TMED3: variants seen among roughly 807,000 people sequenced by gnomAD.
The protein encoded by TMED3 is transmembrane emp24 domain-containing protein 3.
Under a neutral mutation model 15.0 loss-of-function variants are expected in TMED3, and 9 were observed. The observed-to-expected ratio is 0.60, with a 90% CI of 0.36 to 1.04. The LOEUF (loss-of-function observed/expected upper bound fraction) is 1.04. TMED3 is among the 50% of genes least tolerant of loss of function. The probability of loss-of-function intolerance (pLI) is 0.01; values close to 1 mark genes in which losing one functional copy is unlikely to be tolerated. For missense variants in TMED3, 267 were observed against 278.9 expected, an observed-to-expected ratio of 0.96 and a Z score of 0.30; for synonymous variants, 117 against 121.4, an observed-to-expected ratio of 0.96 and a Z score of 0.24.
chr15:79,347,479 G>T (rs1386867015), intron 2 of TMED3, among the ~76,000 whole-genome samples: 1 of 152,158 alleles, frequency 6.6e-6, no homozygotes, highest in African/African-American at 2.4e-5. Flanking sequence ...CACAAGACGA[G>T]GCTGCCCTCT....
intron 2 of TMED3, among the ~76,000 whole-genome samples, chr15:79,342,934 G>T (rs571404772): frequency 6.6e-6 from 1 of 152,186 alleles, no homozygotes; most frequent in Non-Finnish European, 1.5e-5. Flanking sequence ...GTTAGGTGTG[G>T]GTATAAAGAG....
rs1361925965 is a variant in TMED3 at position 79,311,240 on chromosome 15, C to G, written c.-10C>G. ...CGAGCCGCGGCCCTCGAGACGGGACCGAGAGCATCATGGGCAGCACTGTCC... is the reference window on the plus strand; with the variant it reads ...CGAGCCGCGGCCCTCGAGACGGGACGGAGAGCATCATGGGCAGCACTGTCC... On this transcript the variant is annotated 5_prime_UTR_variant, in exon 1 of 3. Transcript: ENST00000299705. The G allele has an allele frequency of 8.2e-6, 13 of 1,594,028 alleles. No homozygotes were observed. The highest frequency in any genetic ancestry group is 1.3e-5 in the African/African-American group (1 of 74,380).
intron 2 of TMED3, among the ~76,000 whole-genome samples, chr15:79,377,537 A>G (rs549466883): frequency 6.6e-6 from 1 of 152,212 alleles, no homozygotes; most frequent in Non-Finnish European, 1.5e-5. Flanking sequence ...TATCTACCAT[A>G]GTGCATAGAT....
chr15:79,316,097 ACC>A (rs2058739280), intron 2 of TMED3: 1 of 152,258 alleles, frequency 6.6e-6, no homozygotes, highest in African/African-American at 2.4e-5. Flanking sequence ...GTCCCCCTTT[ACC>A]CAGCAGCTGC....
chr15:79,402,235 A>G (rs907807564), intron 2 of TMED3, among the ~76,000 whole-genome samples: 1 of 152,158 alleles, frequency 6.6e-6, no homozygotes, highest in Non-Finnish European at 1.5e-5. Flanking sequence ...CCCATATACC[A>G]AAGAGTGGAG....
chr15:79,401,673 G>A (rs1190155047), intron 2 of TMED3, among the ~76,000 whole-genome samples: 2 of 152,186 alleles, frequency 1.3e-5, no homozygotes, highest in African/African-American at 4.8e-5. Flanking sequence ...ACAGTGACAT[G>A]GGGTAGTGCG....
intron 2 of TMED3, among the ~76,000 whole-genome samples, chr15:79,351,856 G>T (rs1318366089): frequency 2.0e-5 from 3 of 152,090 alleles, no homozygotes; most frequent in African/African-American, 7.2e-5. Context: ...TGGATAATGT[G>T]ATATACGTAT....
Position 79,411,413 on chromosome 15 carries a change from C to CT in TMED3, c.433dup (p.Tyr145LeufsTer71). ...TGAACAATGAAGAGATTCAGAGGAG[C>CT]TTATTGGAAGGAGGTGGACAAGATG... On this transcript the variant is annotated frameshift_variant, in exon 3 of 3. Transcript: ENST00000424155. LOFTEE classifies it high-confidence loss of function. The CT allele has an allele frequency of 1.4e-6, 1 of 702,484 alleles. No homozygotes were observed. The highest frequency in any genetic ancestry group is 2.6e-6 in the Non-Finnish European group (1 of 384,946). 43.5% of individuals were successfully genotyped at this position (702,484 alleles called of 1,614,324 possible).
intron 2 of TMED3, among the ~76,000 whole-genome samples, chr15:79,388,670 T>C: frequency 6.6e-6 from 1 of 152,162 alleles, no homozygotes; most frequent in South Asian, 2.1e-4. Context: ...TGAAGTAATC[T>C]TCACTCTGTT....
downstream of TMED3, among the ~76,000 whole-genome samples, chr15:79,323,351 T>A (rs747125066): frequency 6.6e-6 from 1 of 152,208 alleles, no homozygotes; most frequent in African/African-American, 2.4e-5. Context: ...TAATGCATTG[T>A]AGGAAAGGAA....
At chr15:79,364,226 T>A (rs940293910) in intron 2 of TMED3, among the ~76,000 whole-genome samples, 8 of 152,186 alleles carry the variant, frequency 5.3e-5, no homozygotes, top group Non-Finnish European at 1.2e-4. Context: ...AGGCACGAAT[T>A]CCTGGTGGCT....
intron 2 of TMED3, among the ~76,000 whole-genome samples, chr15:79,409,544 GT>G (rs1445726324): frequency 6.6e-6 from 1 of 152,210 alleles, no homozygotes; most frequent in African/African-American, 2.4e-5. Context: ...TTGTTTCCCA[GT>G]GTGAGCCTTA....
Position 79,407,532 on chromosome 15 carries a change from G to A in TMED3, c.418-3868G>A, listed in dbSNP as rs1381414270. On this transcript the variant is annotated intron_variant, in intron 2 of 2. Coordinates refer to the TMED3 transcript ENST00000424155. ...CTGGAGGCAATGAGGGAAGACGGGG[G>A]CAGATCTTGGAGAGGACAAGAATCA... is the stretch of plus-strand genomic sequence containing the variant. Among the ~76,000 whole-genome samples, 6 of 152,172 alleles carry A rather than the reference G, an allele frequency of 3.9e-5. No individual in the cohort carries two copies. The East Asian group carries it at 7.7e-4, about 20-fold the overall frequency.
At chr15:79,352,114 C>G (rs545679919) in intron 2 of TMED3, among the ~76,000 whole-genome samples, 1 of 152,040 alleles carries the variant, frequency 6.6e-6, no homozygotes, top group Non-Finnish European at 1.5e-5. Context: ...CTATTGGGGA[C>G]GGTGTACACT....
chr15:79,313,899 A>G lies in TMED3; in HGVS notation c.311A>G (p.Asn104Ser). The G allele has an allele frequency of 1.2e-6, 2 of 1,614,210 alleles. No homozygotes were observed. The highest frequency in any genetic ancestry group is 8.5e-7 in the Non-Finnish European group (1 of 1,180,034). Residue 104 changes from asparagine to serine, a missense_variant, in exon 2 of 3, where the codon AAT becomes AGT. By Grantham distance (46) the Asn-to-Ser change is conservative (BLOSUM62 1). Coordinates refer to ENST00000299705, the MANE Select transcript of TMED3 (RefSeq NM_007364.4). ...GGCGTTTATCAGTTTTGCTTCAGTA[A>G]TGAGTTTTCCACCTTCTCTCACAAG... ...VKGVYQFCFS[N>S]EFSTFSHKTV... is the part of the protein sequence containing the mutation.
In TMED3 at chr15:79,353,317, AAT is replaced by A. The variant is rs1288177979; in HGVS notation, c.417+39320_417+39321del. ...TGTATATTATATATATTATATATAT[AAT>A]ATATATAATATATATTATGTATATA... On this transcript the variant is annotated intron_variant, in intron 2 of 2. Transcript: ENST00000424155. 2.0e-4 allele frequency among the ~76,000 whole-genome samples: 9 copies of A among 46,076 alleles called. 1 individual carries two copies. Among genetic ancestry groups the A allele is most frequent in the Admixed American group, 3.6e-4 (1 of 2,766 alleles). The allele number at this position is 46,076 out of a possible 152,430, so 30.2% of individuals were successfully genotyped here. A position where few individuals can be genotyped will look rare whatever the true frequency, so the allele number is the denominator to read the frequency against.
rs752929009 is a variant in TMED3, at chr15:79,322,004, T to C, written c.444T>C (p.His148=). Residue 148 remains histidine, a synonymous_variant, in exon 3 of 3, where the codon CAT becomes CAC. Transcript: ENST00000299705. ...TQMESACVTI[H]EALKTVIDSQ... ...TGGAGTCCGCCTGCGTGACCATCCA[T>C]GAGGCTCTGAAAACGGTGATTGACT... The C allele has an allele frequency of 1.2e-5, 20 of 1,613,030 alleles. No homozygotes were observed. The highest frequency in any genetic ancestry group is 1.2e-4 in the Admixed American group (7 of 60,006).
At chr15:79,335,422 T>C (rs1021971529) in intron 2 of TMED3, among the ~76,000 whole-genome samples, 1 of 152,212 alleles carries the variant, frequency 6.6e-6, no homozygotes, top group African/African-American at 2.4e-5. Flanking sequence ...GATAAGACCC[T>C]GGAATACTGT....
At chr15:79,338,787 A>G (rs1201366279) in intron 2 of TMED3, among the ~76,000 whole-genome samples, 6 of 152,206 alleles carry the variant, frequency 3.9e-5, no homozygotes, top group African/African-American at 1.4e-4. Context: ...GGGCCACCAG[A>G]GGGCTCCTTG....
Sources: gnomAD v4.1 joint callset for allele counts (sites outside exome capture counted in the v4.1 genomes callset) on GRCh38, gnomAD v4.1.1 for gene constraint, MANE v1.5 for transcripts, NCBI Gene and HGNC (gene_info 2026-07-23, HGNC 2026-07-21) for gene names.